Variants in NFIL3 observed in about 807,000 individuals in gnomAD.
NFIL3 encodes the protein nuclear factor interleukin-3-regulated protein.
Under a neutral mutation model 10.0 loss-of-function variants are expected in NFIL3, and 5 were observed. That is an observed-to-expected ratio of 0.50 (90% CI 0.26 to 1.06). NFIL3 has a LOEUF of 1.06. Ranked by LOEUF, NFIL3 falls within the 50% of genes least tolerant of loss-of-function variation. The pLI, the probability that NFIL3 is intolerant of heterozygous loss-of-function variation, is 0.13. For synonymous variants in NFIL3, 202 were observed against 206.5 expected (o/e 0.98, Z 0.19); for missense variants, 436 against 547.6 (o/e 0.80, Z 2.03).
the NFIL3 span, among the ~76,000 whole-genome samples, chr9:91,454,852 A>G: frequency 1.3e-5 from 2 of 152,186 alleles, no homozygotes; most frequent in African/African-American, 4.8e-5. Context: ...GAAACAAAAC[A>G]AAACCTCTCA....
intron 1 of NFIL3, 106 bp from the exon 2 acceptor site, chr9:91,411,012 T>C: frequency 2.3e-6 from 1 of 440,978 alleles, no homozygotes; most frequent in Non-Finnish European, 4.1e-6. Flanking sequence ...CAAGCACAGA[T>C]GAGGCATGGC....
At chr9:91,480,881 G>C in the NFIL3 span, among the ~76,000 whole-genome samples, 1 of 152,160 alleles carries the variant, frequency 6.6e-6, no homozygotes, top group South Asian at 2.1e-4. Flanking sequence ...GATCTGATAG[G>C]ACTCAGAGTA....
chr9:91,481,253 A>G, the NFIL3 span, among the ~76,000 whole-genome samples: 1 of 152,100 alleles, frequency 6.6e-6, no homozygotes, highest in Admixed American at 6.5e-5. Flanking sequence ...AAAAGTATGT[A>G]TACACATAGA....
the NFIL3 span, among the ~76,000 whole-genome samples, chr9:91,468,991 G>A: frequency 6.6e-6 from 1 of 152,120 alleles, no homozygotes; most frequent in African/African-American, 2.4e-5. Flanking sequence ...TGTTCTTTTT[G>A]CTTAGGATTG....
intron 1 of NFIL3, among the ~76,000 whole-genome samples, chr9:91,423,004 T>G (rs1459361530): frequency 6.6e-6 from 1 of 152,116 alleles, no homozygotes; most frequent in Non-Finnish European, 1.5e-5. Flanking sequence ...GATTATGCAA[T>G]GTATGAAAGG....
chr9:91,480,486 T>C, the NFIL3 span, among the ~76,000 whole-genome samples: 1 of 152,028 alleles, frequency 6.6e-6, no homozygotes, highest in Non-Finnish European at 1.5e-5. Context: ...ATTCTCTATT[T>C]AGAAAAAAAT....
chr9:91,452,803 A>G, the NFIL3 span, among the ~76,000 whole-genome samples: 1 of 150,956 alleles, frequency 6.6e-6, no homozygotes, highest in Non-Finnish European at 1.5e-5. Flanking sequence ...AAAAAAAAAA[A>G]AAAAAGCAAG....
chr9:91,475,554 CAAAG>C, the NFIL3 span, among the ~76,000 whole-genome samples: 1 of 151,608 alleles, frequency 6.6e-6, no homozygotes, highest in Non-Finnish European at 1.5e-5. Context: ...TATTGGAACA[CAAAG>C]AAAGACTACA....
At chr9:91,449,227 T>G in the NFIL3 span, among the ~76,000 whole-genome samples, 1 of 152,178 alleles carries the variant, frequency 6.6e-6, no homozygotes, top group Admixed American at 6.5e-5. Context: ...TGGCTAAAAC[T>G]TAACTATACA....
chr9:91,462,350 G>A, the NFIL3 span, among the ~76,000 whole-genome samples: 1 of 152,028 alleles, frequency 6.6e-6, no homozygotes. Context: ...TTTTTTGTAA[G>A]CGTTCTTTAT....
chr9:91,443,218 C>T, the NFIL3 span, among the ~76,000 whole-genome samples: 22 of 152,282 alleles, frequency 1.4e-4, no homozygotes, highest in South Asian at 4.3e-3. Flanking sequence ...GAAGAAATGC[C>T]TGCTGACTGG....
chr9:91,410,685 T>A lies in NFIL3; in HGVS notation c.50A>T (p.Asp17Val). ...QTVKKEQASL[D>V]ASSNVDKMMV... ...CATCTTGTCCACATTGCTACTGGCA[T>A]CAAGAGACGCCTGCTCCTTTTTGAC... Residue 17 changes from aspartate to valine, a missense_variant, in exon 2 of 2, where the codon GAT (aspartate) becomes GTT (valine). Physicochemically the swap from Asp to Val is radical, Grantham distance 152. Coordinates refer to ENST00000297689, the MANE Select transcript of NFIL3 (RefSeq NM_005384.3). The surrounding 1 kb of genome is among the most constrained non-coding windows in gnomAD (Gnocchi z 5.7). The A allele has an allele frequency of 6.2e-7, 1 of 1,610,264 alleles. No individual in the cohort carries two copies. Among genetic ancestry groups the A allele is most frequent in the South Asian group, 1.1e-5 (1 of 89,968 alleles).
At chr9:91,420,664 A>G (rs1660032671) in intron 1 of NFIL3, among the ~76,000 whole-genome samples, 1 of 152,176 alleles carries the variant, frequency 6.6e-6, no homozygotes, top group Admixed American at 6.5e-5. Flanking sequence ...ATGATGCCAA[A>G]GAAAGCAAGT....
At chr9:91,473,697 C>T in the NFIL3 span, among the ~76,000 whole-genome samples, 5 of 152,202 alleles carry the variant, frequency 3.3e-5, no homozygotes, top group African/African-American at 9.7e-5. Flanking sequence ...TGTGTTGGCT[C>T]ACCCTCCGTG....
chr9:91,422,433 G>A (rs924551413), intron 1 of NFIL3, among the ~76,000 whole-genome samples: 3 of 149,178 alleles, frequency 2.0e-5, no homozygotes, highest in African/African-American at 5.0e-5. Flanking sequence ...ATGCTTACCC[G>A]GTTGTCTACT....
intron 1 of NFIL3, among the ~76,000 whole-genome samples, chr9:91,417,609 G>A (rs936185909): frequency 7.2e-5 from 11 of 152,144 alleles, no homozygotes. Flanking sequence ...CAACCCAGAG[G>A]AAATGGGGAG....
the NFIL3 span, among the ~76,000 whole-genome samples, chr9:91,451,394 C>T: frequency 6.6e-6 from 1 of 152,200 alleles, no homozygotes. Flanking sequence ...TATACCCTTC[C>T]ATGTGTTTTG....
chr9:91,423,432 G>T (rs1564159820), intron 1 of NFIL3, among the ~76,000 whole-genome samples: 1 of 151,940 alleles, frequency 6.6e-6, no homozygotes, highest in Admixed American at 6.5e-5. Context: ...AATCAAAGCA[G>T]CCACCTTAAG....
chr9:91,423,156 C>A (rs1229150230), intron 1 of NFIL3, among the ~76,000 whole-genome samples: 1 of 152,158 alleles, frequency 6.6e-6, no homozygotes, highest in Admixed American at 6.5e-5. Flanking sequence ...ACGCTACCAA[C>A]CCTTTTTCTC....
Sources: allele counts gnomAD v4.1 joint callset (sites outside exome capture counted in the v4.1 genomes callset), GRCh38; gene constraint gnomAD v4.1.1; non-coding constraint Gnocchi (gnomAD v3.1); transcripts MANE v1.5; gene names NCBI Gene and HGNC (gene_info 2026-07-23, HGNC 2026-07-21).